The following KNTC1 variants were observed in gnomAD, a reference collection of about 807,000 sequenced individuals.
KNTC1 encodes the protein kinetochore associated 1, also known as kinetochore-associated protein 1.
In KNTC1, 253 loss-of-function variants were observed where a neutral mutation model predicts 314.4. That is an observed-to-expected ratio of 0.80 (90% CI 0.73 to 0.89). KNTC1 has a LOEUF of 0.89. KNTC1 is among the 40% of genes least tolerant of loss of function. The pLI is 0.00. For missense variants in KNTC1, 2,475 were observed against 2,572.9 expected, an observed-to-expected ratio of 0.96 and a Z score of 0.82; for synonymous variants, 901 against 901.4, an observed-to-expected ratio of 1.00 and a Z score of 0.01.
chr12:122,576,032 T>C (rs765945909), intron 29 of KNTC1, 133 bp downstream of exon 29: 2 of 1,115,750 alleles, frequency 1.8e-6, no homozygotes, highest in Non-Finnish European at 2.5e-6. Context: ...TTAGATATGA[T>C]GTTAATAAGG....
chr12:122,595,901 G>A (rs963553371), intron 43 of KNTC1, among the ~76,000 whole-genome samples: 1 of 152,336 alleles, frequency 6.6e-6, no homozygotes, highest in South Asian at 2.1e-4. Flanking sequence ...GCCTCAGGCA[G>A]TGTATCTGAA....
At chr12:122,560,242 TTTAGTTATTTCC>T (rs896973945) in intron 18 of KNTC1, among the ~76,000 whole-genome samples, 3 of 152,174 alleles carry the variant, frequency 2.0e-5, no homozygotes, top group Non-Finnish European at 4.4e-5. Flanking sequence ...CCCTGACTTC[TTTAGTTATTTCC>T]ACATTTTTGC....
At chr12:122,527,528 A>C (rs1242627377) in intron 1 of KNTC1, 177 bp downstream of exon 1, 2 of 152,406 alleles carry the variant, frequency 1.3e-5, no homozygotes, top group African/African-American at 2.4e-5. Context: ...GGCCTAACTG[A>C]CAAGTGTTTC....
chr12:122,534,583 G>T, intron 2 of KNTC1, 81 bp from the exon 3 acceptor site: 1 of 1,322,196 alleles, frequency 7.6e-7, no homozygotes, highest in Non-Finnish European at 1.0e-6. Context: ...GGATATTTGG[G>T]AATTTGATGA....
chr12:122,615,453 T>C lies in KNTC1; in HGVS notation c.5974-17T>C. Reference sequence around the variant, plus strand: ...TTTGGTGGTCTTTAGAACTTTTTTATTTTTAATTTTTTACAGATTCCTTAT... The same window carrying C: ...TTTGGTGGTCTTTAGAACTTTTTTACTTTTAATTTTTTACAGATTCCTTAT... On this transcript the variant is annotated splice_polypyrimidine_tract_variant and intron_variant, in intron 56 of 63. Transcript: ENST00000333479. 2.0e-6 allele frequency: 3 copies of C among 1,498,954 alleles called. No individual in the cohort carries two copies. The highest frequency in any genetic ancestry group is 2.1e-4 in the Middle Eastern group (1 of 4,862). The allele number at this position is 1,498,954 out of a possible 1,614,324, so 92.9% of individuals were successfully genotyped here.
rs1265910004 is a variant in KNTC1 at position 122,605,432 on chromosome 12, C to G, written c.5496+17C>G. On this transcript the variant is annotated intron_variant, in intron 51 of 63. Transcript: ENST00000333479. The stretch of plus-strand genomic sequence containing the variant: ...CCTGGTGAAGTAAGTACTTGCTGCC[C>G]AAGAGTATCTGTAGTTGAGTATGCA... The G allele has an allele frequency of 5.3e-6, 7 of 1,318,036 alleles. No individual in the cohort carries two copies. The highest frequency in any genetic ancestry group is 4.8e-5 in the East Asian group (2 of 42,046). The allele number at this position is 1,318,036 out of a possible 1,614,324, so 81.6% of individuals were successfully genotyped here. A position where few individuals can be genotyped will look rare whatever the true frequency, so the allele number is the denominator to read the frequency against.
At chr12:122,602,332 A>T in intron 45 of KNTC1, 1 of 339,116 alleles carries the variant, frequency 2.9e-6, no homozygotes, top group Non-Finnish European at 5.3e-6. Context: ...TTTACAAAAC[A>T]TCTACCAACA....
At chr12:122,620,386 C>G (rs1377812429) in intron 59 of KNTC1, 93 bp from the exon 60 acceptor site, 1 of 1,187,940 alleles carries the variant, frequency 8.4e-7, no homozygotes, top group African/African-American at 1.5e-5. Flanking sequence ...TTATTGAAAA[C>G]TTGGACAGGC....
intron 44 of KNTC1, among the ~76,000 whole-genome samples, chr12:122,600,392 C>G (rs945583150): frequency 2.0e-5 from 3 of 152,048 alleles, no homozygotes; most frequent in African/African-American, 7.2e-5. Context: ...AGCCACTGTA[C>G]CCAGCCTGAC....
At chr12:122,602,464 A>T (rs1221476165) in intron 45 of KNTC1, 105 bp from the exon 46 acceptor site, 3 of 653,596 alleles carry the variant, frequency 4.6e-6, no homozygotes, top group Non-Finnish European at 7.8e-6. Flanking sequence ...TGAAAACAAG[A>T]TGGTCTCAGG....
chr12:122,621,552 C>G (rs572352669), intron 60 of KNTC1, among the ~76,000 whole-genome samples: 15 of 152,346 alleles, frequency 9.8e-5, no homozygotes. Flanking sequence ...CCAGGCAGGT[C>G]TCGAACTCCT....
At chr12:122,586,781 G>A in intron 38 of KNTC1, 24 bp downstream of exon 38, 2 of 977,050 alleles carry the variant, frequency 2.0e-6, no homozygotes, top group South Asian at 5.1e-5. Context: ...GAAATATATA[G>A]CATTCTATTA....
intron 33 of KNTC1, among the ~76,000 whole-genome samples, chr12:122,582,023 A>G (rs1565982577): frequency 6.6e-6 from 1 of 152,076 alleles, no homozygotes; most frequent in East Asian, 1.9e-4. Context: ...GAATTTGCTT[A>G]TTCTAGCTAT....
At chr12:122,561,700 C>T (rs536057143) in intron 18 of KNTC1, among the ~76,000 whole-genome samples, 275 of 152,150 alleles carry the variant, frequency 1.8e-3, no homozygotes, top group African/African-American at 6.4e-3. Flanking sequence ...GCAGTCCGCC[C>T]GCCTCAGCCT....
At position 122,602,858 on chromosome 12, in the gene KNTC1, A is replaced by C; in HGVS notation, c.4855A>C (p.Thr1619Pro). 4 of 1,612,262 alleles carry C rather than the reference A, an allele frequency of 2.5e-6. No individual in the cohort carries two copies. The highest frequency in any genetic ancestry group is 3.4e-6 in the Non-Finnish European group (4 of 1,178,530). ...AGAACTCAGTGAAGAATCTTTCCCAACATTGCTCTTAATTTCGAAATTAAT... is the reference window on the plus strand; with the variant it reads ...AGAACTCAGTGAAGAATCTTTCCCACCATTGCTCTTAATTTCGAAATTAAT... The part of the protein sequence containing the change: ...STELSEESFP[T>P]LLLISKLMKF... The change falls in exon 47 of 64, where the codon ACA (threonine) becomes CCA (proline). Residue 1619 changes from threonine to proline, a missense_variant. Physicochemically the swap from Thr to Pro is conservative, Grantham distance 38. Transcript: ENST00000333479.
At chr12:122,585,224 CAG>C (rs1869070421) in intron 36 of KNTC1, among the ~76,000 whole-genome samples, 1 of 151,696 alleles carries the variant, frequency 6.6e-6, no homozygotes, top group African/African-American at 2.4e-5. Flanking sequence ...TTTTTTTTTG[CAG>C]AGACAGGGTC....
chr12:122,554,076 A>T (rs7398262), intron 16 of KNTC1, among the ~76,000 whole-genome samples: 26,190 of 108,810 alleles, frequency 0.24, 3,553 homozygotes, highest in Non-Finnish European at 0.3. Context: ...AAAAAAAAAA[A>T]ATATATATAT....
At chr12:122,554,037 C>T (rs1257142355) in intron 16 of KNTC1, among the ~76,000 whole-genome samples, 2 of 137,802 alleles carry the variant, frequency 1.5e-5, no homozygotes, top group African/African-American at 2.7e-5. Flanking sequence ...AAAAATATAA[C>T]GGTTTTAAAC....
intron 43 of KNTC1, 193 bp from the exon 44 acceptor site, chr12:122,597,538 C>T: frequency 1.8e-6 from 1 of 560,572 alleles, no homozygotes; most frequent in Admixed American, 2.7e-5. Flanking sequence ...TGAGCCACTG[C>T]ACCCGGCCTA....
Sources: gnomAD v4.1 joint callset for allele counts (sites outside exome capture counted in the v4.1 genomes callset) on GRCh38, gnomAD v4.1.1 for gene constraint, MANE v1.5 for transcripts, NCBI Gene and HGNC (gene_info 2026-07-23, HGNC 2026-07-21) for gene names.